ANO7: variants seen among roughly 807,000 people sequenced by gnomAD.
The protein encoded by ANO7 is anoctamin 7.
In ANO7, 114 loss-of-function variants were observed where a neutral mutation model predicts 115.8. That is an observed-to-expected ratio of 0.98 (90% CI 0.85 to 1.15). ANO7 has a LOEUF of 1.15. Ranked by LOEUF, ANO7 falls within the 50% of genes most tolerant of loss-of-function variation. The pLI is 0.00. For synonymous variants in ANO7, 550 were observed against 498.2 expected (o/e 1.10, Z -1.38); for missense variants, 1,302 against 1,201.2 (o/e 1.08, Z -1.24).
chr2:241,230,030 C>G, downstream of ANO7: 1 of 1,579,368 alleles, frequency 6.3e-7, no homozygotes, highest in Non-Finnish European at 8.6e-7. The surrounding 1 kb of genome is among the most constrained non-coding windows in gnomAD (Gnocchi z 5.0). Flanking sequence ...CGCCTGCTCA[C>G]CCCTGCACCT....
intron 2 of ANO7, 112 bp from the exon 3 acceptor site, chr2:241,191,082 A>C: frequency 8.9e-7 from 1 of 1,129,388 alleles, no homozygotes. Context: ...GTTCTGGGGC[A>C]GGGCGGGGAC....
chr2:241,223,544 C>T (rs1046744316), intron 22 of ANO7, 118 bp from the exon 23 acceptor site: 32 of 1,484,380 alleles, frequency 2.2e-5, no homozygotes, highest in African/African-American at 7.0e-5. Flanking sequence ...TTTTCCTGCA[C>T]AGCTGCTTTC....
chr2:241,213,429 G>C (rs1483941236), intron 17 of ANO7, among the ~76,000 whole-genome samples: 4 of 152,214 alleles, frequency 2.6e-5, no homozygotes, highest in African/African-American at 9.6e-5. Context: ...AAAGCAAATG[G>C]AAGTTCACCT....
At chr2:241,189,786 G>A (rs1008253783) in intron 1 of ANO7, among the ~76,000 whole-genome samples, 1 of 152,154 alleles carries the variant, frequency 6.6e-6, no homozygotes, top group Non-Finnish European at 1.5e-5. Flanking sequence ...TGGGGGACAC[G>A]GGCACTCACT....
downstream of ANO7, chr2:241,228,481 T>G (rs950303628): frequency 6.6e-6 from 1 of 152,346 alleles, no homozygotes; most frequent in Non-Finnish European, 1.5e-5. Context: ...GGATGGCCTG[T>G]GGGCGGGGTG....
In ANO7 at chr2:241,203,711, A is replaced by C. The variant is rs1559445726; in HGVS notation, c.889+213A>C. Among the ~76,000 whole-genome samples, 1 of 151,774 alleles carries C rather than the reference A, an allele frequency of 6.6e-6. No homozygotes were observed. Among genetic ancestry groups the C allele is most frequent in the Non-Finnish European group, 1.5e-5 (1 of 67,918 alleles). Reference sequence around the variant, plus strand: ...TGACGATGCCGGGCCCTGGCCTCCTAATGCTCCAGTAACAGTGCTGAGAGC... The same window carrying C: ...TGACGATGCCGGGCCCTGGCCTCCTCATGCTCCAGTAACAGTGCTGAGAGC... On this transcript the variant is annotated intron_variant, in intron 9 of 24. Transcript: ENST00000674324. The surrounding 1 kb of genome is among the most constrained non-coding windows in gnomAD (Gnocchi z 4.8).
rs116482846 is a variant in ANO7 at position 241,213,115 on chromosome 2, G to C, written c.1728+489G>C. ...CGCAGAGCCTCTGGCACACAGGCCC[G>C]CAGAGGCTGGCCTCCTCATGGCACA... On this transcript the variant is annotated intron_variant, in intron 17 of 24. Transcript: ENST00000674324. Among the ~76,000 whole-genome samples the C allele has an allele frequency of 6.7e-3, 1,019 of 152,172 alleles. 9 individuals carry two copies. Among genetic ancestry groups the C allele is most frequent in the African/African-American group, 0.023 (960 of 41,444 alleles).
chr2:241,223,191 G>C lies in ANO7; in HGVS notation c.2327G>C (p.Arg776Pro). Residue 776 changes from arginine (R) to proline (P), a missense_variant, in exon 22 of 25, where the codon CGG becomes CCG. Transcript: ENST00000674324. ...AAAHNRTCRY[R>P]AFRDDDGHYS... is the part of the protein sequence containing the mutation. ...GAGTCCTGTGTCTGCTGCAGGTATC[G>C]GGCTTTCCGGGATGACGATGGACAT... 1 of 1,614,070 alleles carries C rather than the reference G, an allele frequency of 6.2e-7. No homozygotes were observed. The highest frequency in any genetic ancestry group is 8.5e-7 in the Non-Finnish European group (1 of 1,179,934).
At chr2:241,223,810 C>A (rs536403031) in intron 23 of ANO7, 29 bp downstream of exon 23, 1 of 1,614,062 alleles carries the variant, frequency 6.2e-7, no homozygotes, top group East Asian at 2.2e-5. Flanking sequence ...TCTCGGCCCT[C>A]CCCCCAGCCC....
chr2:241,238,895 T>C, the ANO7 span: 1 of 831,690 alleles, frequency 1.2e-6, no homozygotes, highest in Non-Finnish European at 1.8e-6. This position sits in a 1 kb window ranked among gnomAD's most constrained non-coding sequence, Gnocchi z 4.9. Context: ...CTACAGCCAC[T>C]TGGCACAGAT....
the ANO7 span, among the ~76,000 whole-genome samples, chr2:241,231,747 A>C: frequency 1.3e-5 from 2 of 152,108 alleles, no homozygotes. Flanking sequence ...ACCATACCAG[A>C]CTTGGGATAG....
chr2:241,190,872 G>T (rs1248893535), intron 2 of ANO7, among the ~76,000 whole-genome samples: 1 of 152,226 alleles, frequency 6.6e-6, no homozygotes, highest in Admixed American at 6.5e-5. Context: ...CCTGGTCCTG[G>T]CCATGCTTCC....
At chr2:241,189,783 C>A (rs543096757) in intron 1 of ANO7, among the ~76,000 whole-genome samples, 22 of 152,292 alleles carry the variant, frequency 1.4e-4, no homozygotes, top group African/African-American at 5.3e-4. Flanking sequence ...GGCTGGGGGA[C>A]ACGGGCACTC....
intron 21 of ANO7, among the ~76,000 whole-genome samples, chr2:241,219,453 T>G (rs1164830190): frequency 6.6e-6 from 1 of 152,186 alleles, no homozygotes; most frequent in African/African-American, 2.4e-5. Flanking sequence ...TTCTGGTGGA[T>G]GGGTAAAAGT....
chr2:241,191,159 T>C, intron 2 of ANO7, 35 bp from the exon 3 acceptor site: 4 of 1,613,254 alleles, frequency 2.5e-6, no homozygotes, highest in South Asian at 2.2e-5. Flanking sequence ...CAGATGCTGA[T>C]GCTGATATGC....
At chr2:241,200,330 G>A in intron 6 of ANO7, 105 bp downstream of exon 6, 1 of 1,447,348 alleles carries the variant, frequency 6.9e-7, no homozygotes, top group Non-Finnish European at 9.2e-7. Context: ...CTCACCTGGA[G>A]TTTTCGGCAG....
Position 241,188,753 on chromosome 2 carries a change from A to C in ANO7, c.-21A>C. 1 of 1,613,336 alleles carries C rather than the reference A, an allele frequency of 6.2e-7. No individual in the cohort carries two copies. The highest frequency in any genetic ancestry group is 8.5e-7 in the Non-Finnish European group (1 of 1,179,754). ...CATGACCTCCGAGACCTCTTCCGGA[A>C]GCCACTGTGCCAGGTGGGGACCCAG... On this transcript the variant is annotated 5_prime_UTR_variant, in exon 1 of 25. Transcript: ENST00000674324. This position sits in a 1 kb window ranked among gnomAD's most constrained non-coding sequence, Gnocchi z 4.3.
intron 11 of ANO7, among the ~76,000 whole-genome samples, chr2:241,208,098 G>A (rs1203191270): frequency 2.0e-5 from 3 of 152,188 alleles, no homozygotes; most frequent in African/African-American, 7.2e-5. Context: ...CGCCTGGCAT[G>A]CTTCCTGGGT....
chr2:241,235,434 G>C, the ANO7 span: 1 of 1,472,918 alleles, frequency 6.8e-7, no homozygotes, highest in Admixed American at 1.7e-5. Flanking sequence ...ACTGGCACTC[G>C]GGAGAGGATG....
Sources: gnomAD v4.1 joint callset for allele counts (sites outside exome capture counted in the v4.1 genomes callset) on GRCh38, gnomAD v4.1.1 for gene constraint, Gnocchi (gnomAD v3.1) non-coding constraint, MANE v1.5 for transcripts, NCBI Gene and HGNC (gene_info 2026-07-23, HGNC 2026-07-21) for gene names.